ARB2A: variants seen among roughly 807,000 people sequenced by gnomAD.
The protein encoded by ARB2A is cotranscriptional regulator ARB2A.
chr5:93,855,557 T>C, the ARB2A span, among the ~76,000 whole-genome samples: 72 of 152,308 alleles, frequency 4.7e-4, no homozygotes, highest in Middle Eastern at 3.4e-3. Context: ...CTAGCCTTGA[T>C]GGTCTTTACA....
the ARB2A span, chr5:93,734,526 A>G: frequency 1.4e-4 from 21 of 152,314 alleles, no homozygotes; most frequent in East Asian, 3.9e-3. Flanking sequence ...CTTATACTCT[A>G]AAGGGGCTCA....
chr5:93,935,748 A>G, the ARB2A span, among the ~76,000 whole-genome samples: 1 of 152,234 alleles, frequency 6.6e-6, no homozygotes, highest in Non-Finnish European at 1.5e-5. Flanking sequence ...CACATCTCAT[A>G]AGAAATAAAA....
At chr5:93,666,676 G>T in the ARB2A span, among the ~76,000 whole-genome samples, 33,684 of 151,980 alleles carry the variant, frequency 0.22, 4,909 homozygotes, top group African/African-American at 0.4. Context: ...AAATTAATTT[G>T]TATTCCCCTA....
the ARB2A span, chr5:93,618,482 A>T: frequency 6.6e-6 from 1 of 152,210 alleles, no homozygotes; most frequent in Non-Finnish European, 1.5e-5. Flanking sequence ...ATGGGGAAGA[A>T]GATCAGAACA....
At chr5:93,907,005 G>A in the ARB2A span, among the ~76,000 whole-genome samples, 7 of 151,506 alleles carry the variant, frequency 4.6e-5, no homozygotes, top group East Asian at 1.4e-3. Flanking sequence ...TGCTGTCTAC[G>A]TATTTTATAT....
At chr5:93,969,341 T>C in the ARB2A span, among the ~76,000 whole-genome samples, 1 of 152,072 alleles carries the variant, frequency 6.6e-6, no homozygotes, top group Non-Finnish European at 1.5e-5. Context: ...TGAAGATGTC[T>C]AGTGTCATTT....
the ARB2A span, among the ~76,000 whole-genome samples, chr5:93,730,436 C>CA: frequency 1.2e-3 from 179 of 147,256 alleles, 1 homozygote; most frequent in Middle Eastern, 3.4e-3. Flanking sequence ...AGACTGGTGC[C>CA]AAAAAAAAAT....
At chr5:93,755,228 A>G in the ARB2A span, among the ~76,000 whole-genome samples, 4 of 152,192 alleles carry the variant, frequency 2.6e-5, no homozygotes, top group Admixed American at 6.5e-5. Context: ...TTGCCACTTT[A>G]TAATAAATAA....
the ARB2A span, among the ~76,000 whole-genome samples, chr5:93,652,712 T>G: frequency 6.6e-6 from 1 of 152,238 alleles, no homozygotes; most frequent in Non-Finnish European, 1.5e-5. Context: ...TTTAAAGTTC[T>G]GATTTAAAGG....
At chr5:94,052,619 T>C in the ARB2A span, among the ~76,000 whole-genome samples, 1 of 152,220 alleles carries the variant, frequency 6.6e-6, no homozygotes, top group Admixed American at 6.5e-5. Flanking sequence ...CTACAGTATG[T>C]TCCTCCACAT....
chr5:93,937,033 C>T, the ARB2A span, among the ~76,000 whole-genome samples: 1 of 150,932 alleles, frequency 6.6e-6, no homozygotes, highest in Admixed American at 6.6e-5. Context: ...CTCCGCCTCC[C>T]GGGTTAATTT....
the ARB2A span, among the ~76,000 whole-genome samples, chr5:93,875,800 CAAAAA>C: frequency 8.9e-6 from 1 of 112,646 alleles, no homozygotes; most frequent in Admixed American, 9.2e-5. Flanking sequence ...GATCTGGGGG[CAAAAA>C]AAAAAAAAGA....
chr5:93,710,424 T>A, the ARB2A span, among the ~76,000 whole-genome samples: 1 of 152,332 alleles, frequency 6.6e-6, no homozygotes, highest in East Asian at 1.9e-4. Context: ...AAAGTCCTGA[T>A]TATGATTAAT....
At chr5:93,796,614 CT>C in the ARB2A span, among the ~76,000 whole-genome samples, 2,280 of 152,240 alleles carry the variant, frequency 0.015, 23 homozygotes, top group Non-Finnish European at 0.021. Flanking sequence ...GGAACTTATG[CT>C]AAATACCTGA....
chr5:93,751,549 A>G, the ARB2A span, among the ~76,000 whole-genome samples: 2 of 152,188 alleles, frequency 1.3e-5, no homozygotes, highest in African/African-American at 2.4e-5. Flanking sequence ...AACACGAAAA[A>G]GTAAAAACTT....
At chr5:93,828,965 T>C in the ARB2A span, among the ~76,000 whole-genome samples, 13 of 152,068 alleles carry the variant, frequency 8.5e-5, no homozygotes, top group Non-Finnish European at 1.9e-4. Context: ...TCAGTAGAGA[T>C]GGGGTTTCGC....
the ARB2A span, among the ~76,000 whole-genome samples, chr5:93,772,320 C>G: frequency 6.7e-6 from 1 of 149,726 alleles, no homozygotes. Context: ...GTGGGTGGAG[C>G]GGGGAGGGAT....
the ARB2A span, among the ~76,000 whole-genome samples, chr5:93,864,618 A>C: frequency 6.6e-6 from 1 of 152,224 alleles, no homozygotes; most frequent in Non-Finnish European, 1.5e-5. Flanking sequence ...AACAATTTGC[A>C]CAAAAATTGA....
chr5:93,897,474 A>G, the ARB2A span, among the ~76,000 whole-genome samples: 1 of 151,964 alleles, frequency 6.6e-6, no homozygotes, highest in Admixed American at 6.6e-5. Flanking sequence ...TCCCTGTTAA[A>G]AAGAATAATT....
Sources: allele counts gnomAD v4.1 joint callset (sites outside exome capture counted in the v4.1 genomes callset), GRCh38; gene constraint gnomAD v4.1.1; transcripts MANE v1.5; gene names NCBI Gene and HGNC (gene_info 2026-07-23, HGNC 2026-07-21).